The following FHIP1A variants were observed in gnomAD, a reference collection of about 807,000 sequenced individuals.
FHIP1A encodes the protein FHF complex subunit HOOK interacting protein 1A.
In FHIP1A, 61 loss-of-function variants were observed where a neutral mutation model predicts 88.6. The ratio of observed to expected loss-of-function variants is 0.69; its 90% CI spans 0.56 to 0.85. The LOEUF (loss-of-function observed/expected upper bound fraction) is 0.85, where lower values mean the gene tolerates loss of function less well. Ranked by LOEUF, FHIP1A falls within the 40% of genes least tolerant of loss-of-function variation. The probability of loss-of-function intolerance (pLI) is 0.00; values close to 1 mark genes in which losing one functional copy is unlikely to be tolerated. For missense variants in FHIP1A, 1,154 were observed against 1,273.5 expected, an observed-to-expected ratio of 0.91 and a Z score of 1.43; for synonymous variants, 478 against 496.0, an observed-to-expected ratio of 0.96 and a Z score of 0.48.
chr4:151,666,490 AGTTT>A lies in FHIP1A; in HGVS notation c.*3737_*3740del. On this transcript the variant is annotated 3_prime_UTR_variant, in exon 14 of 14. Coordinates refer to ENST00000435205, the MANE Select transcript of FHIP1A (RefSeq NM_001109977.3). Reference sequence around the variant, plus strand: ...GATTTTATTTAGGTCAGATATAGTTAGTTTCTGTCCAGGATAAGACATCATGGAG... The same window carrying A: ...GATTTTATTTAGGTCAGATATAGTTACTGTCCAGGATAAGACATCATGGAG... Among the ~76,000 whole-genome samples, 1 of 152,192 alleles carries A rather than the reference AGTTT, an allele frequency of 6.6e-6. No homozygotes were observed. Among genetic ancestry groups the A allele is most frequent in the Non-Finnish European group, 1.5e-5 (1 of 68,036 alleles).
intron 7 of FHIP1A, among the ~76,000 whole-genome samples, chr4:151,623,386 G>A (rs1439917174): frequency 6.6e-6 from 1 of 152,124 alleles, no homozygotes; most frequent in Non-Finnish European, 1.5e-5. Flanking sequence ...GGAGGGAATG[G>A]GGAGGGAGTG....
At chr4:151,479,310 G>C (rs1729816607) in intron 2 of FHIP1A, among the ~76,000 whole-genome samples, 1 of 151,996 alleles carries the variant, frequency 6.6e-6, no homozygotes, top group Non-Finnish European at 1.5e-5. Flanking sequence ...TTTATCCTCT[G>C]TAAAACTCAG....
intron 4 of FHIP1A, among the ~76,000 whole-genome samples, chr4:151,573,884 A>G (rs1183080552): frequency 1.3e-5 from 2 of 152,230 alleles, no homozygotes; most frequent in African/African-American, 4.8e-5. Context: ...AGATCAGTTT[A>G]TAGAAACTGA....
At chr4:151,512,433 C>T (rs1468579563) in intron 3 of FHIP1A, among the ~76,000 whole-genome samples, 7 of 152,214 alleles carry the variant, frequency 4.6e-5, no homozygotes, top group Admixed American at 1.3e-4. Context: ...TCACCAGCAA[C>T]GGAACAAAGC....
chr4:151,547,979 C>T (rs903028122), intron 3 of FHIP1A, among the ~76,000 whole-genome samples: 1 of 152,014 alleles, frequency 6.6e-6, no homozygotes, highest in African/African-American at 2.4e-5. Flanking sequence ...TTTGAATCTC[C>T]CCTGTAGTCC....
At chr4:151,598,920 A>AGT (rs1382867626) in intron 7 of FHIP1A, among the ~76,000 whole-genome samples, 2 of 152,174 alleles carry the variant, frequency 1.3e-5, no homozygotes, top group Non-Finnish European at 2.9e-5. Flanking sequence ...TTGTGTTAAT[A>AGT]TTTGTATGTT....
chr4:151,548,789 G>A (rs1732607276), intron 3 of FHIP1A, among the ~76,000 whole-genome samples: 1 of 152,198 alleles, frequency 6.6e-6, no homozygotes, highest in East Asian at 1.9e-4. Context: ...AGGCGTGGTG[G>A]CACACGCCTG....
intron 3 of FHIP1A, among the ~76,000 whole-genome samples, chr4:151,516,691 A>G (rs1412842683): frequency 6.6e-6 from 1 of 152,374 alleles, no homozygotes; most frequent in African/African-American, 2.4e-5. Flanking sequence ...GCCAAAAGAC[A>G]CATGAAAAAA....
intron 1 of FHIP1A, among the ~76,000 whole-genome samples, chr4:151,433,838 A>G (rs1457921745): frequency 6.6e-6 from 1 of 152,172 alleles, no homozygotes; most frequent in African/African-American, 2.4e-5. Flanking sequence ...GAAAAATTGC[A>G]TGCCTGGGCC....
rs537993298 is a variant in FHIP1A, at chr4:151,625,343, AC to A, written c.979-4355del. Among the ~76,000 whole-genome samples the A allele has an allele frequency of 2.2e-3, 328 of 152,014 alleles. 1 individual carries two copies. The highest frequency in any genetic ancestry group is 6.8e-3 in the Middle Eastern group (2 of 294). On this transcript the variant is annotated intron_variant, in intron 7 of 13. Transcript: ENST00000435205. ...GGAGAGGGTGCCACCTGCCTGCCTGACCCCACTGCCTGCCACCTGCCTGAGT... is the reference window on the plus strand; with the variant it reads ...GGAGAGGGTGCCACCTGCCTGCCTGACCCACTGCCTGCCACCTGCCTGAGT...
rs78357237 is a variant in FHIP1A at position 151,552,564 on chromosome 4, A to G, written c.-122-13574A>G. Among the ~76,000 whole-genome samples the G allele has an allele frequency of 6.6e-5, 10 of 152,242 alleles. No individual in the cohort carries two copies. In the East Asian group the frequency reaches 1.9e-3, roughly 29 times the overall value. On this transcript the variant is annotated intron_variant, in intron 3 of 13. Transcript: ENST00000435205. ...AGCTGGAAACCATCATTCTGAGCAA[A>G]CTATCACAAGGATAGAAAACCAAAT...
chr4:151,619,114 A>T (rs114673477), intron 7 of FHIP1A, among the ~76,000 whole-genome samples: 1 of 152,200 alleles, frequency 6.6e-6, no homozygotes, highest in African/African-American at 2.4e-5. Flanking sequence ...GCCAGCTCTC[A>T]GGGAGGGGTT....
At position 151,412,254 on chromosome 4, in the gene FHIP1A, C is replaced by G. The variant is rs1473103476; in HGVS notation, c.-356+2789C>G. 2.6e-5 allele frequency among the ~76,000 whole-genome samples: 4 copies of G among 152,140 alleles called. No homozygotes were observed. The East Asian group carries it at 7.7e-4, about 29-fold the overall frequency. Reference sequence around the variant, plus strand: ...AGTAGCTGGGATTACAGGTGCCCACCACCATGCTCAGCTAATTTTTTTTGT... The same window carrying G: ...AGTAGCTGGGATTACAGGTGCCCACGACCATGCTCAGCTAATTTTTTTTGT... On this transcript the variant is annotated intron_variant, in intron 1 of 13. Transcript: ENST00000435205.
chr4:151,473,281 T>C (rs1482979151), intron 2 of FHIP1A, among the ~76,000 whole-genome samples: 1 of 151,978 alleles, frequency 6.6e-6, no homozygotes. Flanking sequence ...TTAAGCCGAG[T>C]TTTATTAAGG....
chr4:151,653,870 C>T (rs1737127884), intron 11 of FHIP1A, among the ~76,000 whole-genome samples: 1 of 151,990 alleles, frequency 6.6e-6, no homozygotes, highest in South Asian at 2.1e-4. Context: ...GAGTGGATGA[C>T]AGGAGGGGCA....
Position 151,566,202 on chromosome 4 carries a change from C to A in FHIP1A, c.-58C>A. On this transcript the variant is annotated 5_prime_UTR_variant, in exon 4 of 14. Transcript: ENST00000435205. ...TCTCAAACTTGAAAGTTAGTGACGG[C>A]TTACCAAATTTTAATGAAAATTAAA... is the stretch of plus-strand genomic sequence containing the variant. The A allele has an allele frequency of 8.8e-7, 1 of 1,131,738 alleles. No individual in the cohort carries two copies. Among genetic ancestry groups the A allele is most frequent in the Non-Finnish European group, 1.2e-6 (1 of 803,402 alleles). The allele number at this position is 1,131,738 out of a possible 1,614,324, so 70.1% of individuals were successfully genotyped here.
chr4:151,583,173 C>T (rs1734086519), intron 5 of FHIP1A, among the ~76,000 whole-genome samples: 4 of 152,152 alleles, frequency 2.6e-5, no homozygotes, highest in East Asian at 1.9e-4. Context: ...GAACTCTGAG[C>T]GCAGTCTAGG....
chr4:151,445,996 A>G (rs1476517045), intron 1 of FHIP1A, among the ~76,000 whole-genome samples: 4 of 151,804 alleles, frequency 2.6e-5, no homozygotes, highest in Non-Finnish European at 5.9e-5. Flanking sequence ...CACATGTGCA[A>G]GAGTTTCTCT....
intron 5 of FHIP1A, among the ~76,000 whole-genome samples, chr4:151,585,855 C>T (rs951425129): frequency 9.9e-5 from 15 of 152,032 alleles, no homozygotes; most frequent in Non-Finnish European, 7.4e-5. Context: ...AATGCCAGAC[C>T]GATAGATGTC....
Sources: gnomAD v4.1 joint callset for allele counts (sites outside exome capture counted in the v4.1 genomes callset) on GRCh38, gnomAD v4.1.1 for gene constraint, MANE v1.5 for transcripts, NCBI Gene and HGNC (gene_info 2026-07-23, HGNC 2026-07-21) for gene names.